The following MOV10L1 variants were observed in gnomAD, a reference collection of about 807,000 sequenced individuals.
The protein encoded by MOV10L1 is RNA helicase Mov10l1.
In MOV10L1, 110 loss-of-function variants were observed where a neutral mutation model predicts 143.8. The ratio of observed to expected loss-of-function variants is 0.76; its 90% CI spans 0.66 to 0.90. The LOEUF (loss-of-function observed/expected upper bound fraction) is 0.90, where lower values mean the gene tolerates loss of function less well. MOV10L1 is among the 40% of genes least tolerant of loss of function. The pLI, the probability that MOV10L1 is intolerant of heterozygous loss-of-function variation, is 0.00. For missense variants in MOV10L1, 1,406 were observed against 1,526.8 expected, an observed-to-expected ratio of 0.92 and a Z score of 1.32; for synonymous variants, 593 against 581.1, an observed-to-expected ratio of 1.02 and a Z score of -0.29.
chr22:50,160,532 G>C (rs1224946402), intron 24 of MOV10L1, among the ~76,000 whole-genome samples, 156 bp from the exon 25 acceptor site: 2 of 152,020 alleles, frequency 1.3e-5, no homozygotes, highest in Non-Finnish European at 2.9e-5. Flanking sequence ...GATTACAGGC[G>C]TGAGCCACCG....
chr22:50,145,568 G>GCCTTAAAAATATCTTAAATCCTT, intron 18 of MOV10L1, 121 bp from the exon 19 acceptor site: 1 of 1,319,846 alleles, frequency 7.6e-7, no homozygotes. Context: ...GATATTTTGA[G>GCCTTAAAAATATCTTAAATCCTT]AAAAAAACCT....
At chr22:50,153,358 C>T (rs577646905) in intron 22 of MOV10L1, 140 bp downstream of exon 22, 13 of 1,058,572 alleles carry the variant, frequency 1.2e-5, no homozygotes, top group Admixed American at 2.7e-5. Context: ...GAAAAGCCAT[C>T]GGGGGCTTGT....
At chr22:50,141,360 G>A (rs565317217) in intron 15 of MOV10L1, among the ~76,000 whole-genome samples, 19 of 151,576 alleles carry the variant, frequency 1.3e-4, no homozygotes, top group Middle Eastern at 3.4e-3. Flanking sequence ...GAGTTTGGGG[G>A]GTCTCTGTCA....
chr22:50,137,490 G>A (rs528065006), intron 15 of MOV10L1, among the ~76,000 whole-genome samples: 1 of 152,024 alleles, frequency 6.6e-6, no homozygotes, highest in South Asian at 2.1e-4. Context: ...GCAGTGAGCC[G>A]AGATCGCGCC....
intron 22 of MOV10L1, among the ~76,000 whole-genome samples, chr22:50,155,800 G>A (rs2063412049): frequency 6.6e-6 from 1 of 152,130 alleles, no homozygotes. Context: ...AAATTCTAGG[G>A]CCGGATGTGG....
intron 3 of MOV10L1, among the ~76,000 whole-genome samples, chr22:50,107,074 CTTTCT>C (rs2061890751): frequency 6.7e-6 from 1 of 149,656 alleles, no homozygotes; most frequent in African/African-American, 2.5e-5. Context: ...CTTCTGTTTT[CTTTCT>C]TTTCTTTTTT....
At chr22:50,092,728 T>C (rs2062483928) in intron 2 of MOV10L1, 1 of 153,064 alleles carries the variant, frequency 6.5e-6, no homozygotes, top group Non-Finnish European at 1.5e-5. Context: ...GAATTTATGC[T>C]GTGGAGAACA....
At chr22:50,154,451 C>T (rs2063375873) in intron 22 of MOV10L1, among the ~76,000 whole-genome samples, 1 of 151,708 alleles carries the variant, frequency 6.6e-6, no homozygotes. Flanking sequence ...GCCTTTGGTC[C>T]CGGCTACTTG....
intron 5 of MOV10L1, among the ~76,000 whole-genome samples, chr22:50,113,004 C>T (rs1427351873): frequency 8.5e-5 from 13 of 152,140 alleles, no homozygotes; most frequent in Admixed American, 2.0e-4. Context: ...GTGTGGCGAG[C>T]CATTCTAGAG....
intron 15 of MOV10L1, 128 bp downstream of exon 15, chr22:50,134,758 A>C (rs1602278629): frequency 4.0e-6 from 3 of 749,364 alleles, no homozygotes; most frequent in East Asian, 5.0e-5. Flanking sequence ...GTAACTGTCT[A>C]CACAGGGGGT....
chr22:50,144,741 C>T (rs1468334443), intron 18 of MOV10L1, among the ~76,000 whole-genome samples: 1 of 151,858 alleles, frequency 6.6e-6, no homozygotes, highest in Non-Finnish European at 1.5e-5. Context: ...GCCACTGCGC[C>T]CGGCTAATTT....
At chr22:50,126,078 C>T in intron 11 of MOV10L1, 124 bp from the exon 12 acceptor site, 1 of 639,528 alleles carries the variant, frequency 1.6e-6, no homozygotes, top group Non-Finnish European at 2.8e-6. Flanking sequence ...AGGCATGAGC[C>T]ACTGCACCCA....
intron 2 of MOV10L1, chr22:50,096,154 A>G (rs1317342176): frequency 6.6e-6 from 1 of 152,240 alleles, no homozygotes; most frequent in Non-Finnish European, 1.5e-5. Context: ...TGTCTTCAGC[A>G]CTTTTTCAGC....
Position 50,152,082 on chromosome 22 carries a change from G to A in MOV10L1, c.2893-963G>A, listed in dbSNP as rs1050948715. Among the ~76,000 whole-genome samples, 7 of 152,368 alleles carry A rather than the reference G, an allele frequency of 4.6e-5. No homozygotes were observed. The highest frequency in any genetic ancestry group is 1.9e-4 in the East Asian group (1 of 5,186). ...CATTCTATTTAGGCTTGACAGAGTC[G>A]GGAGGACTCACGGGGCCAATCATGG... On this transcript the variant is annotated intron_variant, in intron 21 of 26. Transcript: ENST00000262794. The surrounding 1 kb of genome is among the most constrained non-coding windows in gnomAD (Gnocchi z 4.4).
At chr22:50,149,525 G>A (rs959511025) in intron 19 of MOV10L1, 90 bp from the exon 20 acceptor site, 17 of 1,290,366 alleles carry the variant, frequency 1.3e-5, no homozygotes, top group Non-Finnish European at 1.5e-5. Flanking sequence ...GTGCCCCCGG[G>A]GTGCTGAGCG....
Position 50,091,874 on chromosome 22 carries a change from G to A in MOV10L1, c.98-127G>A, listed in dbSNP as rs1304366782. 5 of 827,352 alleles carry A rather than the reference G, an allele frequency of 6.0e-6. No homozygotes were observed. The Admixed American group carries it at 7.9e-5, about 13-fold the overall frequency. The allele number at this position is 827,352 out of a possible 1,614,324, so 51.3% of individuals were successfully genotyped here. On this transcript the variant is annotated intron_variant, in intron 1 of 26. Coordinates refer to ENST00000262794, the MANE Select transcript of MOV10L1 (RefSeq NM_018995.3). ...GATTCTCTCTGTCTCAAGTCAGCCC[G>A]TTCGGAGTCAGTGCCTCCGAACTGC...
chr22:50,109,004 C>T (rs2061949072), intron 5 of MOV10L1, among the ~76,000 whole-genome samples, 160 bp downstream of exon 5: 2 of 152,066 alleles, frequency 1.3e-5, no homozygotes, highest in South Asian at 2.1e-4. Context: ...ATTAGCTGGG[C>T]GTGGTGGTGC....
intron 1 of MOV10L1, chr22:50,090,428 G>A (rs774575066): frequency 4.4e-6 from 7 of 1,593,288 alleles, no homozygotes; most frequent in Non-Finnish European, 6.0e-6. Flanking sequence ...CCCTCTTCCC[G>A]CCCTCACTTT....
intron 13 of MOV10L1, among the ~76,000 whole-genome samples, chr22:50,130,516 G>C (rs1185081543): frequency 6.6e-6 from 1 of 152,206 alleles, no homozygotes; most frequent in Non-Finnish European, 1.5e-5. Flanking sequence ...TGAAAGCAGG[G>C]AGGGCAGGAT....
Sources: gnomAD v4.1 joint callset for allele counts (sites outside exome capture counted in the v4.1 genomes callset) on GRCh38, gnomAD v4.1.1 for gene constraint, Gnocchi (gnomAD v3.1) non-coding constraint, MANE v1.5 for transcripts, NCBI Gene and HGNC (gene_info 2026-07-23, HGNC 2026-07-21) for gene names.